Variants in C8orf34 observed in about 807,000 individuals in gnomAD.
The protein encoded by C8orf34 is uncharacterized protein C8orf34.
C8orf34 carries 65 observed loss-of-function variants against 68.3 expected under a neutral mutation model. The observed-to-expected ratio is 0.95, with a 90% CI of 0.78 to 1.17. C8orf34 has a LOEUF of 1.17. C8orf34 is among the 50% of genes most tolerant of loss of function. The probability of loss-of-function intolerance (pLI) is 0.00; values close to 1 mark genes in which losing one functional copy is unlikely to be tolerated. For missense variants in C8orf34, 664 were observed against 655.4 expected, an observed-to-expected ratio of 1.01 and a Z score of -0.14; for synonymous variants, 244 against 241.2, an observed-to-expected ratio of 1.01 and a Z score of -0.11.
intron 8 of C8orf34, among the ~76,000 whole-genome samples, chr8:68,645,109 A>G (rs776258998): frequency 3.9e-5 from 6 of 152,188 alleles, no homozygotes; most frequent in Non-Finnish European, 7.4e-5. Context: ...AAGGTAGAAT[A>G]GAAAGACGAT....
At position 68,533,202 on chromosome 8, in the gene C8orf34, A is replaced by T. The variant is rs778483383; in HGVS notation, c.1105+53A>T. ...TTTTCTTCTTTGACATTGTAAAAAA[A>T]ACGTGTGGTGATTAAGAGATTTTAA... On this transcript the variant is annotated intron_variant, in intron 7 of 13. Coordinates refer to ENST00000518698, the MANE Select transcript of C8orf34 (RefSeq NM_052958.4). The T allele has an allele frequency of 3.3e-6, 5 of 1,536,020 alleles. No individual in the cohort carries two copies. The South Asian group carries it at 5.2e-5, about 16-fold the overall frequency.
rs1307470186 is a variant in C8orf34 at position 68,533,077 on chromosome 8, TC to T, written c.1035del (p.Ile346SerfsTer8). 1 of 1,613,264 alleles carries T rather than the reference TC, an allele frequency of 6.2e-7. No individual in the cohort carries two copies. Among genetic ancestry groups the T allele is most frequent in the Non-Finnish European group, 8.5e-7 (1 of 1,179,480 alleles). ...AATGCTCTCTCAAGATTCTTTTGAG[TC>T]CATCCACAGCCCTACCCCATCTGTA... ...AAMLSQDSFE[S>X]IHSPTPSVTE... is the part of the protein sequence containing the mutation. On this transcript the variant is annotated frameshift_variant, in exon 7 of 14. Coordinates refer to ENST00000518698, the MANE Select transcript of C8orf34 (RefSeq NM_052958.4). LOFTEE classifies it high-confidence loss of function.
intron 1 of C8orf34, among the ~76,000 whole-genome samples, chr8:68,350,966 T>C (rs2129618532): frequency 6.6e-6 from 1 of 152,174 alleles, no homozygotes; most frequent in East Asian, 1.9e-4. Flanking sequence ...ACATTCAAGG[T>C]TAGCATTGAT....
At chr8:68,624,333 A>G (rs1034845081) in intron 7 of C8orf34, among the ~76,000 whole-genome samples, 2 of 152,086 alleles carry the variant, frequency 1.3e-5, no homozygotes, top group African/African-American at 2.4e-5. Flanking sequence ...TTAAGTAGAT[A>G]TAACTTGGTA....
chr8:68,636,017 C>T (rs376910698), intron 7 of C8orf34, among the ~76,000 whole-genome samples: 73 of 152,098 alleles, frequency 4.8e-4, no homozygotes, highest in African/African-American at 1.5e-3. Context: ...CAAAGGCATG[C>T]GGGGGGAGTA....
chr8:68,388,437 T>C (rs1003530558), intron 1 of C8orf34, among the ~76,000 whole-genome samples: 1 of 152,098 alleles, frequency 6.6e-6, no homozygotes, highest in Admixed American at 6.6e-5. Flanking sequence ...ACTTTCTATG[T>C]CATTATGGTA....
At chr8:68,798,605 C>CA (rs1387938198) in intron 12 of C8orf34, among the ~76,000 whole-genome samples, 4 of 151,998 alleles carry the variant, frequency 2.6e-5, no homozygotes, top group Non-Finnish European at 4.4e-5. Flanking sequence ...AAGGTAAAAA[C>CA]AATTACTGTC....
chr8:68,605,342 G>T (rs7831621), intron 7 of C8orf34, among the ~76,000 whole-genome samples: 40,787 of 151,856 alleles, frequency 0.27, 7,643 homozygotes, highest in African/African-American at 0.54. Context: ...ATATAATTCG[G>T]CAATTGCACT....
chr8:68,331,771 TTTTC>T (rs1554594515), intron 1 of C8orf34, among the ~76,000 whole-genome samples: 1 of 132,972 alleles, frequency 7.5e-6, no homozygotes, highest in Non-Finnish European at 1.6e-5. Context: ...TTTTCTTTTC[TTTTC>T]TTTCCTTCTT....
chr8:68,625,760 G>T, intron 7 of C8orf34: 1 of 479,964 alleles, frequency 2.1e-6, no homozygotes, highest in South Asian at 3.7e-5. Context: ...GGCCAGCAAG[G>T]GTCTTCTTTT....
At chr8:68,790,077 C>T (rs921818525) in intron 12 of C8orf34, among the ~76,000 whole-genome samples, 3 of 152,154 alleles carry the variant, frequency 2.0e-5, no homozygotes, top group African/African-American at 7.2e-5. Context: ...AGCATTGTAG[C>T]CAAGCTCCCA....
chr8:68,490,581 T>C (rs1370977459), intron 5 of C8orf34, among the ~76,000 whole-genome samples: 1 of 152,190 alleles, frequency 6.6e-6, no homozygotes, highest in Non-Finnish European at 1.5e-5. Flanking sequence ...TTACCTAATA[T>C]TCCTGTTTTT....
At chr8:68,789,124 G>T (rs1302217224) in intron 12 of C8orf34, among the ~76,000 whole-genome samples, 1 of 152,050 alleles carries the variant, frequency 6.6e-6, no homozygotes, top group East Asian at 1.9e-4. Context: ...TCTCATTCTA[G>T]ATTTTGGCTG....
At chr8:68,677,174 G>C (rs1820218180) in intron 8 of C8orf34, among the ~76,000 whole-genome samples, 1 of 152,146 alleles carries the variant, frequency 6.6e-6, no homozygotes. Context: ...GCTCCTGACT[G>C]ACCAGTGGGT....
chr8:68,467,796 A>G (rs1812212772), intron 3 of C8orf34, among the ~76,000 whole-genome samples: 1 of 152,066 alleles, frequency 6.6e-6, no homozygotes, highest in Non-Finnish European at 1.5e-5. Flanking sequence ...GTTGGAATTT[A>G]GAAGGAATTG....
At chr8:68,745,142 T>G (rs1822444132) in intron 10 of C8orf34, among the ~76,000 whole-genome samples, 1 of 152,044 alleles carries the variant, frequency 6.6e-6, no homozygotes, top group South Asian at 2.1e-4. Flanking sequence ...CTAAGCTTCA[T>G]AAGTGAAGGA....
chr8:68,755,703 G>A (rs1427457573), intron 10 of C8orf34, among the ~76,000 whole-genome samples: 2 of 152,116 alleles, frequency 1.3e-5, no homozygotes, highest in Non-Finnish European at 2.9e-5. Flanking sequence ...TAGGTAACTA[G>A]GGGGAACTGT....
chr8:68,552,442 A>G (rs1460900097), intron 7 of C8orf34, among the ~76,000 whole-genome samples: 1 of 152,004 alleles, frequency 6.6e-6, no homozygotes, highest in Admixed American at 6.6e-5. Flanking sequence ...TGTTTTTTCC[A>G]TGCTATTGTC....
intron 8 of C8orf34, among the ~76,000 whole-genome samples, chr8:68,680,684 A>G (rs1820341862): frequency 6.6e-6 from 1 of 152,178 alleles, no homozygotes; most frequent in Non-Finnish European, 1.5e-5. Context: ...TCCAACAAAG[A>G]TCACAAGGCA....
Sources: gnomAD v4.1 joint callset for allele counts (sites outside exome capture counted in the v4.1 genomes callset) on GRCh38, gnomAD v4.1.1 for gene constraint, MANE v1.5 for transcripts, NCBI Gene and HGNC (gene_info 2026-07-23, HGNC 2026-07-21) for gene names.